Variants in ARHGEF26 observed in about 807,000 individuals in gnomAD.
ARHGEF26 encodes Rho guanine nucleotide exchange factor (GEF) 26.
Under a neutral mutation model 89.4 loss-of-function variants are expected in ARHGEF26, and 59 were observed. The observed-to-expected ratio is 0.66, with a 90% confidence interval of 0.54 to 0.82. The LOEUF is 0.82. Among genes scored for constraint, ARHGEF26 ranks in the 40% least tolerant of loss-of-function variants. ARHGEF26 has a pLI of 0.00. For synonymous variants in ARHGEF26, 500 were observed against 428.4 expected, an observed-to-expected ratio of 1.17 and a Z score of -2.06; for missense variants, 1,234 against 1,085.6, an observed-to-expected ratio of 1.14 and a Z score of -1.92.
chr3:154,196,478 G>C (rs1714299757), intron 9 of ARHGEF26, among the ~76,000 whole-genome samples: 1 of 152,118 alleles, frequency 6.6e-6, no homozygotes, highest in Non-Finnish European at 1.5e-5. Flanking sequence ...TTGCTATGAA[G>C]TACTGTTTCT....
chr3:154,195,365 G>A (rs572696752), intron 9 of ARHGEF26, among the ~76,000 whole-genome samples: 4 of 152,324 alleles, frequency 2.6e-5, no homozygotes, highest in African/African-American at 9.6e-5. Context: ...ATACATGCTA[G>A]GCTGTTGGGG....
chr3:154,221,134 T>G (rs1400640011), intron 10 of ARHGEF26, among the ~76,000 whole-genome samples: 2 of 146,840 alleles, frequency 1.4e-5, no homozygotes, highest in East Asian at 2.0e-4. Flanking sequence ...CATAAATTCC[T>G]GTTGTGTAAA....
At position 154,256,848 on chromosome 3, in the gene ARHGEF26, A is replaced by C. The variant is rs1453275885; in HGVS notation, c.*1375A>C. The stretch of plus-strand genomic sequence containing the variant: ...CCCTCTTAACTGTGAGTTTCTATAG[A>C]ACTTTACTTTTTCCACTAGTGCACA... On this transcript the variant is annotated 3_prime_UTR_variant, in exon 15 of 15. Transcript: ENST00000465093. 9 of 1,532,538 alleles carry C rather than the reference A, an allele frequency of 5.9e-6. No individual in the cohort carries two copies. The Admixed American group carries it at 1.8e-4, about 30-fold the overall frequency. The allele number at this position is 1,532,538 out of a possible 1,614,324, so 94.9% of individuals were successfully genotyped here. A position where few individuals can be genotyped will look rare whatever the true frequency, so the allele number is the denominator to read the frequency against.
At chr3:154,244,310 A>T (rs1009628976) in intron 12 of ARHGEF26, among the ~76,000 whole-genome samples, 1 of 152,232 alleles carries the variant, frequency 6.6e-6, no homozygotes, top group African/African-American at 2.4e-5. Context: ...ATTCAACTTC[A>T]TAAGACAGTG....
intron 9 of ARHGEF26, among the ~76,000 whole-genome samples, chr3:154,203,093 G>A (rs1373440831): frequency 6.6e-6 from 1 of 152,138 alleles, no homozygotes; most frequent in Non-Finnish European, 1.5e-5. Flanking sequence ...CAAAAGGAAT[G>A]CTTCCAGTTT....
intron 9 of ARHGEF26, among the ~76,000 whole-genome samples, chr3:154,214,087 G>A (rs1715574146): frequency 6.6e-6 from 1 of 152,100 alleles, no homozygotes; most frequent in South Asian, 2.1e-4. Context: ...AAGAGGGAAG[G>A]TGGGACACAG....
chr3:154,157,300 T>C (rs1431676643), intron 6 of ARHGEF26, among the ~76,000 whole-genome samples: 2 of 152,110 alleles, frequency 1.3e-5, no homozygotes, highest in Admixed American at 1.3e-4. Flanking sequence ...GGCGAACACC[T>C]CCAATGTATT....
chr3:154,254,666 G>A (rs1371435906), intron 13 of ARHGEF26, 54 bp from the exon 14 acceptor site: 8 of 1,361,798 alleles, frequency 5.9e-6, no homozygotes, highest in Admixed American at 1.7e-5. Context: ...TTATTGGATT[G>A]CACATGTTTT....
intron 6 of ARHGEF26, among the ~76,000 whole-genome samples, chr3:154,186,006 G>A (rs1184509675): frequency 2.0e-5 from 3 of 152,188 alleles, no homozygotes; most frequent in Admixed American, 2.0e-4. Flanking sequence ...CCGCTCCACT[G>A]TGAGTGTTGG....
intron 4 of ARHGEF26, among the ~76,000 whole-genome samples, chr3:154,144,255 A>C (rs1206285308): frequency 2.0e-5 from 3 of 152,174 alleles, no homozygotes; most frequent in Non-Finnish European, 4.4e-5. Flanking sequence ...AGGCCGGCCC[A>C]AGTTTGAATC....
intron 9 of ARHGEF26, among the ~76,000 whole-genome samples, chr3:154,197,075 A>T (rs1395972505): frequency 1.3e-5 from 2 of 152,114 alleles, no homozygotes; most frequent in African/African-American, 4.8e-5. Flanking sequence ...AGGCTGGCAA[A>T]AATGTAATAG....
At chr3:154,242,564 T>C (rs1422500904) in intron 12 of ARHGEF26, among the ~76,000 whole-genome samples, 3 of 152,200 alleles carry the variant, frequency 2.0e-5, no homozygotes, top group African/African-American at 4.8e-5. Flanking sequence ...GCTGTGAGCA[T>C]TGTGGAAATG....
intron 11 of ARHGEF26, among the ~76,000 whole-genome samples, chr3:154,238,861 C>T (rs1327137488): frequency 6.6e-6 from 1 of 151,892 alleles, no homozygotes; most frequent in Non-Finnish European, 1.5e-5. Flanking sequence ...TAACTGGGTA[C>T]CAAGAAATGC....
In ARHGEF26 at chr3:154,152,823, A is replaced by T; in HGVS notation, c.1378A>T (p.Ile460Phe). 1 of 1,569,526 alleles carries T rather than the reference A, an allele frequency of 6.4e-7. No individual in the cohort carries two copies. Among genetic ancestry groups the T allele is most frequent in the Non-Finnish European group, 8.6e-7 (1 of 1,156,078 alleles). The change falls in exon 6 of 15, where the codon ATC becomes TTC. Residue 460 changes from isoleucine to phenylalanine, a missense_variant. Transcript: ENST00000465093. The part of the protein sequence containing the change: ...SEHSYLLSLE[I>F]LIRMFKNSKE... ...ACATTCATATTTACTCAGCTTGGAG[A>T]TCTTGATACGAATGTTTAAAAATTC...
Position 154,122,637 on chromosome 3 carries a change from C to T in ARHGEF26, c.645C>T (p.Leu215=), listed in dbSNP as rs1484925186. Residue 215 remains leucine (L), a synonymous_variant, in exon 2 of 15, where the codon CTC becomes CTT. Transcript: ENST00000465093. ...AGAAAAGTTCTTCGGAACAAAAACT[C>T]CCCCTCCAAAGGCTGCCCTCCCAGG... The part of the protein sequence containing the change: ...GPQKSSSEQK[L]PLQRLPSQEN... 3.7e-6 allele frequency: 6 copies of T among 1,613,872 alleles called. No homozygotes were observed. The highest frequency in any genetic ancestry group is 1.3e-5 in the African/African-American group (1 of 75,054).
chr3:154,149,365 A>T (rs747118001), intron 4 of ARHGEF26, 24 bp from the exon 5 acceptor site: 9 of 1,586,678 alleles, frequency 5.7e-6, no homozygotes, highest in Non-Finnish European at 7.7e-6. Context: ...AAATGAGTCA[A>T]CTCTACTTTG....
At chr3:154,186,164 CA>C (rs1220384783) in intron 6 of ARHGEF26, among the ~76,000 whole-genome samples, 3 of 151,052 alleles carry the variant, frequency 2.0e-5, no homozygotes, top group Admixed American at 1.3e-4. Context: ...CACACACACA[CA>C]CCCCTATACA....
intron 6 of ARHGEF26, among the ~76,000 whole-genome samples, chr3:154,181,197 A>G (rs1316565958): frequency 1.3e-5 from 2 of 152,258 alleles, no homozygotes; most frequent in African/African-American, 2.4e-5. Flanking sequence ...TCATTTTGGT[A>G]GAGTACAGAA....
chr3:154,157,157 T>C (rs1302166420), intron 6 of ARHGEF26, among the ~76,000 whole-genome samples: 1 of 144,568 alleles, frequency 6.9e-6, no homozygotes, highest in East Asian at 2.1e-4. Flanking sequence ...GCAAAATTCT[T>C]TTCTTCTTTT....
Sources: allele counts gnomAD v4.1 joint callset (sites outside exome capture counted in the v4.1 genomes callset), GRCh38; gene constraint gnomAD v4.1.1; transcripts MANE v1.5; gene names NCBI Gene and HGNC (gene_info 2026-07-23, HGNC 2026-07-21).